The following CASP8 variants were observed in gnomAD, a reference collection of about 807,000 sequenced individuals.
CASP8 encodes caspase-8.
CASP8 carries 24 observed loss-of-function variants against 46.3 expected under a neutral mutation model. The observed-to-expected ratio is 0.52, with a 90% CI of 0.38 to 0.73. The LOEUF (loss-of-function observed/expected upper bound fraction) is 0.73, where lower values mean the gene tolerates loss of function less well. Ranked by LOEUF, CASP8 falls within the 30% of genes least tolerant of loss-of-function variation. CASP8 has a pLI of 0.00. For synonymous variants in CASP8, 188 were observed against 200.4 expected (o/e 0.94, Z 0.52); for missense variants, 460 against 559.0 (o/e 0.82, Z 1.79).
rs1392676522 is a variant in CASP8 at position 201,278,504 on chromosome 2, A to AT, written c.802+1543dup. 4.0e-5 allele frequency among the ~76,000 whole-genome samples: 6 copies of AT among 148,470 alleles called. No individual in the cohort carries two copies. The East Asian group carries it at 7.9e-4, about 20-fold the overall frequency. ...AACAAGGGCCTATTGCATTTCAGTT[A>AT]TTTTTTTCTATTCCTAATGCTAGAC... is the stretch of plus-strand genomic sequence containing the variant. On this transcript the variant is annotated intron_variant, in intron 7 of 8. Transcript: ENST00000673742.
At position 201,266,126 on chromosome 2, in the gene CASP8, C is replaced by T. The variant is rs1198027680; in HGVS notation, c.-26-335C>T. Among the ~76,000 whole-genome samples the T allele has an allele frequency of 6.6e-6, 1 of 152,138 alleles. No homozygotes were observed. Among genetic ancestry groups the T allele is most frequent in the Non-Finnish European group, 1.5e-5 (1 of 68,028 alleles). ...TCCTGAGTAGCTGGGATTACAGGCA[C>T]GTGCCTCCACACCTGGCTAATTTTT... On this transcript the variant is annotated intron_variant, in intron 1 of 8. Transcript: ENST00000673742. The surrounding 1 kb of genome is among the most constrained non-coding windows in gnomAD (Gnocchi z 5.7).
intron 1 of CASP8, chr2:201,233,563 T>C (rs1020567294): frequency 6.6e-6 from 1 of 152,520 alleles, no homozygotes; most frequent in African/African-American, 2.4e-5. Flanking sequence ...AGGTGACTGG[T>C]GGCTGCCTGA....
At chr2:201,235,519 T>C (rs1946012245) in intron 2 of CASP8, among the ~76,000 whole-genome samples, 1 of 152,206 alleles carries the variant, frequency 6.6e-6, no homozygotes, top group Admixed American at 6.5e-5. Flanking sequence ...AATTAAGTAA[T>C]TTTAGAAAGT....
chr2:201,255,797 T>C (rs6755897), upstream of CASP8, among the ~76,000 whole-genome samples: 23,547 of 152,168 alleles, frequency 0.15, 3,185 homozygotes, highest in African/African-American at 0.36. Flanking sequence ...CTCTGTCACC[T>C]AGGCTGGAGT....
At position 201,272,112 on chromosome 2, in the gene CASP8, T is replaced by G. The variant is rs1393739754; in HGVS notation, c.411+491T>G. Among the ~76,000 whole-genome samples the G allele has an allele frequency of 6.6e-6, 1 of 151,794 alleles. No homozygotes were observed. The highest frequency in any genetic ancestry group is 1.5e-5 in the Non-Finnish European group (1 of 67,900). On this transcript the variant is annotated intron_variant, in intron 3 of 8. Coordinates refer to ENST00000673742, the MANE Select transcript of CASP8 (RefSeq NM_001372051.1). This position sits in a 1 kb window ranked among gnomAD's most constrained non-coding sequence, Gnocchi z 4.4. ...TGTCTGTGTATCTCTGTGTGTGTGTTCTCTGTGTGGTATGTGTGTCTGTGT... is the reference window on the plus strand; with the variant it reads ...TGTCTGTGTATCTCTGTGTGTGTGTGCTCTGTGTGGTATGTGTGTCTGTGT...
At chr2:201,263,630 A>G (rs1243554573) in intron 1 of CASP8, among the ~76,000 whole-genome samples, 3 of 152,176 alleles carry the variant, frequency 2.0e-5, no homozygotes, top group Non-Finnish European at 4.4e-5. Flanking sequence ...AAGCATTGTT[A>G]TCCTCAGAAA....
At chr2:201,250,661 G>A (rs1349891308) in intron 2 of CASP8, among the ~76,000 whole-genome samples, 1 of 152,180 alleles carries the variant, frequency 6.6e-6, no homozygotes, top group African/African-American at 2.4e-5. Flanking sequence ...ACCAGGCTCC[G>A]CCTCCAACAT....
At chr2:201,278,695 C>T (rs1559365838) in intron 7 of CASP8, among the ~76,000 whole-genome samples, 1 of 152,092 alleles carries the variant, frequency 6.6e-6, no homozygotes, top group Non-Finnish European at 1.5e-5. Flanking sequence ...TGCCACCATA[C>T]CCAGTTAATT....
intron 7 of CASP8, among the ~76,000 whole-genome samples, chr2:201,278,512 C>G (rs530512696): frequency 2.0e-5 from 3 of 151,824 alleles, no homozygotes; most frequent in South Asian, 2.1e-4. Flanking sequence ...TTATTTTTTT[C>G]TATTCCTAAT....
chr2:201,253,130 GTGCACCACCAC>G (rs1553598789), intron 2 of CASP8, among the ~76,000 whole-genome samples: 1 of 151,618 alleles, frequency 6.6e-6, no homozygotes, highest in Non-Finnish European at 1.5e-5. Flanking sequence ...GACCACAGGT[GTGCACCACCAC>G]TGCACCACCA....
intron 1 of CASP8, among the ~76,000 whole-genome samples, chr2:201,261,264 G>A (rs1487264879): frequency 6.6e-6 from 1 of 151,928 alleles, no homozygotes; most frequent in Non-Finnish European, 1.5e-5. Context: ...GATGGCGCAT[G>A]CCTGTAATCC....
upstream of CASP8, among the ~76,000 whole-genome samples, chr2:201,255,814 G>A (rs1365980643): frequency 6.6e-6 from 1 of 152,116 alleles, no homozygotes; most frequent in African/African-American, 2.4e-5. Flanking sequence ...GAGTGCAGTG[G>A]TGTGATCATA....
chr2:201,238,018 G>T (rs536857358), intron 2 of CASP8, among the ~76,000 whole-genome samples: 5 of 152,246 alleles, frequency 3.3e-5, no homozygotes, highest in African/African-American at 1.2e-4. Flanking sequence ...CAAGAAGAAC[G>T]TGAATGAAAG....
intron 2 of CASP8, among the ~76,000 whole-genome samples, chr2:201,239,138 A>G (rs13024155): frequency 0.41 from 62,038 of 151,620 alleles, 13,140 homozygotes; most frequent in Non-Finnish European, 0.48. Context: ...TTAGTATAGA[A>G]CAAAATGAAA....
intron 2 of CASP8, chr2:201,241,381 C>T (rs561958900): frequency 1.2e-4 from 18 of 152,258 alleles, no homozygotes; most frequent in African/African-American, 4.3e-4. Context: ...GACATTACAA[C>T]TGATGCCACA....
chr2:201,276,784 T>C (rs2125316803), intron 6 of CASP8, 43 bp from the exon 7 acceptor site: 2 of 1,613,424 alleles, frequency 1.2e-6, no homozygotes, highest in South Asian at 1.1e-5. Context: ...CTCTAGTGTT[T>C]GACCCACAGA....
rs550718664 is a variant in CASP8 at position 201,271,845 on chromosome 2, G to A, written c.411+224G>A. Reference sequence around the variant, plus strand: ...AAGGCAGAGTCAGAGGCCGGGAGAAGGAGGCTGTGCAGATGCAGCCCAGAC... The same window carrying A: ...AAGGCAGAGTCAGAGGCCGGGAGAAAGAGGCTGTGCAGATGCAGCCCAGAC... On this transcript the variant is annotated intron_variant, in intron 3 of 8. Transcript: ENST00000673742. Among the ~76,000 whole-genome samples the A allele has an allele frequency of 2.0e-5, 3 of 152,344 alleles. No individual in the cohort carries two copies. The South Asian group carries it at 6.2e-4, about 32-fold the overall frequency.
intron 5 of CASP8, among the ~76,000 whole-genome samples, chr2:201,273,713 C>T (rs370259171): frequency 1.3e-4 from 19 of 151,028 alleles, no homozygotes; most frequent in African/African-American, 4.4e-4. Flanking sequence ...CTCACTTTGT[C>T]CCCCAGGCTA....
At chr2:201,253,241 A>G (rs1946864058) in intron 2 of CASP8, among the ~76,000 whole-genome samples, 1 of 142,894 alleles carries the variant, frequency 7.0e-6, no homozygotes. Flanking sequence ...CTCCCACTTC[A>G]GCCTCTCAAA....
Sources: allele counts gnomAD v4.1 joint callset (sites outside exome capture counted in the v4.1 genomes callset), GRCh38; gene constraint gnomAD v4.1.1; non-coding constraint Gnocchi (gnomAD v3.1); transcripts MANE v1.5; gene names NCBI Gene and HGNC (gene_info 2026-07-23, HGNC 2026-07-21).